KIAA1217: variants seen among roughly 807,000 people sequenced by gnomAD.
KIAA1217 encodes sickle tail protein homolog.
KIAA1217 carries 88 observed loss-of-function variants against 163.9 expected under a neutral mutation model. That is an observed-to-expected ratio of 0.54 (90% CI 0.45 to 0.64). The LOEUF (loss-of-function observed/expected upper bound fraction) is 0.64, where lower values mean the gene tolerates loss of function less well. Among genes scored for constraint, KIAA1217 ranks in the 30% least tolerant of loss-of-function variants. The pLI, the probability that KIAA1217 is intolerant of heterozygous loss-of-function variation, is 0.00. For missense variants in KIAA1217, 2,372 were observed against 2,475.0 expected (o/e 0.96, Z 0.88); for synonymous variants, 903 against 923.1 (o/e 0.98, Z 0.39).
chr10:24,074,048 T>TA (rs200144504), intron 2 of KIAA1217, among the ~76,000 whole-genome samples: 2 of 149,876 alleles, frequency 1.3e-5, no homozygotes, highest in South Asian at 2.1e-4. Context: ...AGAAGGTGCT[T>TA]AAAAAAAAAA....
chr10:24,205,018 A>C (rs540564570), upstream of KIAA1217, among the ~76,000 whole-genome samples: 16 of 152,326 alleles, frequency 1.1e-4, no homozygotes, highest in Middle Eastern at 3.4e-3. Context: ...TTCAGCAAGC[A>C]TTAATTATTT....
upstream of KIAA1217, among the ~76,000 whole-genome samples, chr10:24,206,836 C>CT (rs143179842): frequency 0.017 from 2,651 of 152,228 alleles, 76 homozygotes; most frequent in African/African-American, 0.06. Context: ...GGGGAGGGTC[C>CT]TAGCAGCTGG....
intron 1 of KIAA1217, among the ~76,000 whole-genome samples, chr10:23,871,002 T>C (rs1458279545): frequency 6.6e-6 from 1 of 151,836 alleles, no homozygotes; most frequent in Middle Eastern, 3.2e-3. Flanking sequence ...GGTTTGTTTT[T>C]TTTTCTTTTT....
chr10:23,933,839 T>TCAAA (rs1309951543), intron 1 of KIAA1217, among the ~76,000 whole-genome samples: 2 of 152,144 alleles, frequency 1.3e-5, no homozygotes, highest in Non-Finnish European at 1.5e-5. Flanking sequence ...CACAGTGAGA[T>TCAAA]ACCATCTCAT....
chr10:24,355,579 T>C (rs1397005768), intron 2 of KIAA1217, among the ~76,000 whole-genome samples: 1 of 151,818 alleles, frequency 6.6e-6, no homozygotes, highest in African/African-American at 2.4e-5. Flanking sequence ...CCAAATACTA[T>C]CACATTGGAG....
At chr10:23,701,044 A>T (rs1836417449) in intron 1 of KIAA1217, among the ~76,000 whole-genome samples, 1 of 152,234 alleles carries the variant, frequency 6.6e-6, no homozygotes, top group South Asian at 2.1e-4. Context: ...TATATCATAG[A>T]GTCTTGTTAT....
At chr10:23,915,395 GT>G (rs542612028) in intron 1 of KIAA1217, among the ~76,000 whole-genome samples, 3 of 152,056 alleles carry the variant, frequency 2.0e-5, no homozygotes, top group African/African-American at 7.2e-5. Context: ...CAGGCTTTTT[GT>G]TATTGTTATT....
chr10:23,906,953 T>C (rs1379611096), intron 1 of KIAA1217, among the ~76,000 whole-genome samples: 1 of 152,094 alleles, frequency 6.6e-6, no homozygotes, highest in Non-Finnish European at 1.5e-5. Flanking sequence ...GGAATATTTA[T>C]AAGAAGCAAA....
At chr10:24,136,047 A>G (rs928526584) in intron 2 of KIAA1217, among the ~76,000 whole-genome samples, 1 of 152,194 alleles carries the variant, frequency 6.6e-6, no homozygotes, top group Non-Finnish European at 1.5e-5. Flanking sequence ...AGAAGTGAAG[A>G]TTTTGCAAAG....
intron 1 of KIAA1217, among the ~76,000 whole-genome samples, chr10:23,968,144 ATGTG>A (rs371441989): frequency 2.0e-5 from 3 of 148,760 alleles, no homozygotes; most frequent in African/African-American, 7.4e-5. Context: ...AAGTATGCAT[ATGTG>A]TGTGTGTGTG....
chr10:24,136,677 A>G (rs1472088082), intron 2 of KIAA1217, among the ~76,000 whole-genome samples: 1 of 152,216 alleles, frequency 6.6e-6, no homozygotes, highest in Non-Finnish European at 1.5e-5. Context: ...GCAAAGCAAC[A>G]GCCTCCTGAC....
chr10:24,069,920 G>T (rs1282262101), intron 2 of KIAA1217, among the ~76,000 whole-genome samples: 1 of 152,000 alleles, frequency 6.6e-6, no homozygotes, highest in Non-Finnish European at 1.5e-5. Context: ...GCTCACTACA[G>T]CTTTGAACTC....
intron 2 of KIAA1217, among the ~76,000 whole-genome samples, chr10:24,226,306 A>G (rs1289837452): frequency 1.3e-5 from 2 of 152,186 alleles, no homozygotes; most frequent in Non-Finnish European, 2.9e-5. Flanking sequence ...AGAGCCATAG[A>G]CATGACTTCC....
chr10:24,434,203 A>AT (rs1280376431), intron 4 of KIAA1217, among the ~76,000 whole-genome samples: 3 of 151,258 alleles, frequency 2.0e-5, no homozygotes, highest in East Asian at 1.9e-4. Flanking sequence ...GGCCCAGCTA[A>AT]TTTTTTTCTA....
intron 1 of KIAA1217, among the ~76,000 whole-genome samples, chr10:23,885,098 G>T (rs1336351347): frequency 2.0e-5 from 3 of 151,832 alleles, no homozygotes; most frequent in African/African-American, 7.3e-5. Context: ...TAAACAGAAT[G>T]TTTTTTGTGT....
intron 1 of KIAA1217, among the ~76,000 whole-genome samples, chr10:23,752,863 C>G (rs1839815724): frequency 6.6e-6 from 1 of 152,128 alleles, no homozygotes; most frequent in Admixed American, 6.6e-5. Flanking sequence ...CAGGGCAGCC[C>G]TGTGCTAAGC....
chr10:23,848,361 A>T lies in KIAA1217; in HGVS notation c.-321+153127A>T, dbSNP rs182274700. Among the ~76,000 whole-genome samples, 3 of 152,132 alleles carry T rather than the reference A, an allele frequency of 2.0e-5. No homozygotes were observed. The East Asian group carries it at 5.8e-4, about 29-fold the overall frequency. ...TGTGTGGGAGTCTAAGTCTCTTTGT[A>T]GTCTGTAAGAATTTGTATTATGAGT... On this transcript the variant is annotated intron_variant, in intron 1 of 18. Coordinates refer to the KIAA1217 transcript ENST00000376462.
chr10:24,016,253 G>T (rs1194204462), intron 2 of KIAA1217, among the ~76,000 whole-genome samples: 2 of 152,060 alleles, frequency 1.3e-5, no homozygotes, highest in African/African-American at 4.8e-5. Context: ...CCTGTTTAAA[G>T]AATTCAGTTC....
intron 2 of KIAA1217, among the ~76,000 whole-genome samples, chr10:24,234,646 A>G (rs1459309488): frequency 1.4e-5 from 2 of 147,778 alleles, no homozygotes; most frequent in African/African-American, 5.0e-5. Flanking sequence ...GTGACAGAGC[A>G]AAACTGTCTC....
Sources: gnomAD v4.1 joint callset for allele counts (sites outside exome capture counted in the v4.1 genomes callset) on GRCh38, gnomAD v4.1.1 for gene constraint, MANE v1.5 for transcripts, NCBI Gene and HGNC (gene_info 2026-07-23, HGNC 2026-07-21) for gene names.